Variants in ZAN observed in about 807,000 individuals in gnomAD.
The protein encoded by ZAN is zonadhesin, also known as zonadhesin (gene/pseudogene).
A neutral mutation model predicts 286.2 loss-of-function variants in ZAN; 260 were observed. That is an observed-to-expected ratio of 0.91 (90% CI 0.82 to 1.01). ZAN has a LOEUF of 1.01. ZAN is among the 50% of genes least tolerant of loss of function. The pLI is 0.00. For missense variants in ZAN, 3,410 were observed against 3,639.2 expected, an observed-to-expected ratio of 0.94 and a Z score of 1.62; for synonymous variants, 1,368 against 1,417.5, an observed-to-expected ratio of 0.97 and a Z score of 0.79.
chr7:100,760,326 A>G (rs1278212597), intron 18 of ZAN, 65 bp from the exon 19 acceptor site: 1 of 1,580,718 alleles, frequency 6.3e-7, no homozygotes, highest in Non-Finnish European at 8.6e-7. Context: ...ATGGAAATGA[A>G]AGTCTGCTGG....
At position 100,751,704 on chromosome 7, in the gene ZAN, C is replaced by T. The variant is rs761042022; in HGVS notation, c.1607-8C>T. The T allele has an allele frequency of 3.8e-6, 6 of 1,569,076 alleles. No individual in the cohort carries two copies. In the East Asian group the frequency reaches 6.7e-5, roughly 18 times the overall value. The stretch of plus-strand genomic sequence containing the variant: ...CTAAACTCCAGGGATTCTTATTTTT[C>T]TTTGCAGTAAAAGTGCTACCAGAGC... On this transcript the variant is annotated splice_region_variant and splice_polypyrimidine_tract_variant and intron_variant, in intron 13 of 47. Transcript: ENST00000613979.
At chr7:100,782,611 G>A (rs747083803) in intron 35 of ZAN, among the ~76,000 whole-genome samples, 60 of 152,090 alleles carry the variant, frequency 3.9e-4, no homozygotes, top group Non-Finnish European at 3.5e-4. Context: ...GGTTACAGGC[G>A]TGAGCCACCG....
chr7:100,733,997 C>G, intron 1 of ZAN, 30 bp from the exon 2 acceptor site: 1 of 445,498 alleles, frequency 2.2e-6, no homozygotes, highest in South Asian at 2.7e-5. Context: ...TGGATGGTAA[C>G]TTTCAACTCT....
At chr7:100,767,636 G>C (rs867641833) in intron 25 of ZAN, among the ~76,000 whole-genome samples, 195 bp from the exon 26 acceptor site, 1 of 150,734 alleles carries the variant, frequency 6.6e-6, no homozygotes, top group Admixed American at 6.7e-5. Flanking sequence ...CCACCTGCAC[G>C]GCTAATTTTT....
Position 100,790,971 on chromosome 7 carries a change from C to G in ZAN, c.7387C>G (p.Leu2463Val), listed in dbSNP as rs201718931. The G allele has an allele frequency of 7.6e-4, 1,221 of 1,611,924 alleles. 1 individual carries two copies. Among genetic ancestry groups the G allele is most frequent in the Non-Finnish European group, 9.9e-4 (1,172 of 1,179,236 alleles). ...CTCCCTACCCAGCATGTACGAGGGG[C>G]TTGTGAGTGGCCTGTGCGGAAACTA... ...VISLPSMYEG[L>V]VSGLCGNYDK... is the part of the protein sequence containing the mutation. The change falls in exon 40 of 48, where the codon CTT (leucine) becomes GTT (valine). Residue 2463 changes from leucine (L) to valine (V), a missense_variant. Leu to Val is a conservative substitution (Grantham distance 32, BLOSUM62 1). Around this residue, in one of 7 missense-constraint regions of ZAN, gnomAD observed 1,289 missense variants for 1,314.3 expected, o/e 0.98. Transcript: ENST00000613979.
At chr7:100,756,512 T>C (rs1429092331) in intron 15 of ZAN, among the ~76,000 whole-genome samples, 1 of 152,054 alleles carries the variant, frequency 6.6e-6, no homozygotes, top group African/African-American at 2.4e-5. Flanking sequence ...CCCATTGACA[T>C]CAGAGCTTCT....
chr7:100,783,805 C>CAT (rs1491186199), intron 35 of ZAN, among the ~76,000 whole-genome samples: 3 of 22,870 alleles, frequency 1.3e-4, no homozygotes, highest in African/African-American at 1.8e-4. Flanking sequence ...TATATACACA[C>CAT]ATATATATAT....
At chr7:100,772,488 A>C (rs1470246593) in intron 29 of ZAN, among the ~76,000 whole-genome samples, 1 of 151,938 alleles carries the variant, frequency 6.6e-6, no homozygotes, top group Non-Finnish European at 1.5e-5. Context: ...TAATGGCAGC[A>C]CGACAATGTG....
intron 44 of ZAN, 87 bp from the exon 45 acceptor site, chr7:100,795,109 C>CG (rs34731871): frequency 6.8e-7 from 1 of 1,474,910 alleles, no homozygotes; most frequent in Non-Finnish European, 9.1e-7. Flanking sequence ...GCTTTCTCCC[C>CG]GGGCGTCCCA....
intron 14 of ZAN, among the ~76,000 whole-genome samples, chr7:100,754,608 A>G (rs1809014912): frequency 6.6e-6 from 1 of 151,842 alleles, no homozygotes; most frequent in African/African-American, 2.4e-5. Flanking sequence ...GGCTCAAGCA[A>G]CTATCCTGCC....
In ZAN at chr7:100,765,993, TG is replaced by T. The variant is rs202149932; in HGVS notation, c.4470+440del. 5.7e-3 allele frequency among the ~76,000 whole-genome samples: 843 copies of T among 148,726 alleles called. 14 individuals carry two copies. Among genetic ancestry groups the T allele is most frequent in the African/African-American group, 0.019 (768 of 40,290 alleles). On this transcript the variant is annotated intron_variant, in intron 23 of 47. Transcript: ENST00000613979. ...GTTTTTTGTTGTTGTTTTTGGTTTT[TG>T]TTTTTTTTTTGAGACAGAGTCTCGA...
chr7:100,750,387 G>A (rs368995769), intron 11 of ZAN, among the ~76,000 whole-genome samples: 76 of 152,138 alleles, frequency 5.0e-4, no homozygotes, highest in African/African-American at 1.8e-3. Context: ...CGCCAGCCTC[G>A]GCCTCCCAAA....
chr7:100,741,183 G>C (rs1807729895), intron 7 of ZAN, among the ~76,000 whole-genome samples: 1 of 27,762 alleles, frequency 3.6e-5, no homozygotes, highest in African/African-American at 1.1e-4. Context: ...CTCGCGGACG[G>C]GGCAGCTGGC....
Position 100,768,154 on chromosome 7 carries a change from G to A in ZAN, c.5041+143G>A, listed in dbSNP as rs1006092828. The A allele has an allele frequency of 1.9e-5, 22 of 1,164,304 alleles. No homozygotes were observed. In the East Asian group the frequency reaches 5.7e-4, roughly 30 times the overall value. The allele number at this position is 1,164,304 out of a possible 1,614,324, so 72.1% of individuals were successfully genotyped here. The stretch of plus-strand genomic sequence containing the variant: ...TTGAGGACATTAGGCATGAAGGTAG[G>A]AGTTAAGGGAAGACGGAGATGAAGA... On this transcript the variant is annotated intron_variant, in intron 26 of 47. Coordinates refer to ENST00000613979, the MANE Select transcript of ZAN (RefSeq NM_003386.3).
At chr7:100,782,866 A>G (rs1454508982) in intron 35 of ZAN, among the ~76,000 whole-genome samples, 4 of 152,298 alleles carry the variant, frequency 2.6e-5, no homozygotes, top group Admixed American at 6.5e-5. Flanking sequence ...ATCATATACT[A>G]AATTCCCATA....
chr7:100,752,876 C>T lies in ZAN; in HGVS notation c.2771C>T (p.Thr924Met), dbSNP rs201051040. The T allele has an allele frequency of 3.1e-6, 5 of 1,610,926 alleles. No homozygotes were observed. The highest frequency in any genetic ancestry group is 2.7e-5 in the African/African-American group (2 of 74,344). The part of the protein sequence containing the change: ...TISTEKPTIP[T>M]EKPTIPTEET... ...TCCACGGAAAAACCCACCATCCCCA[C>T]GGAAAAACCCACCATCCCCACTGAA... Residue 924 changes from threonine (T) to methionine (M), a missense_variant, in exon 14 of 48, where the codon ACG (threonine) becomes ATG (methionine). Around this residue, in one of 7 missense-constraint regions of ZAN, gnomAD observed 51 missense variants for 105.2 expected, o/e 0.48. Transcript: ENST00000613979.
At position 100,787,908 on chromosome 7, in the gene ZAN, C is replaced by T. The variant is rs1239051625; in HGVS notation, c.6999C>T (p.Val2333=). 6.5e-7 allele frequency: 1 copy of T among 1,545,240 alleles called. No individual in the cohort carries two copies. Among genetic ancestry groups the T allele is most frequent in the African/African-American group, 1.4e-5 (1 of 73,988 alleles). Residue 2333 remains valine, a synonymous_variant, in exon 38 of 48, where the codon GTC becomes GTT. Transcript: ENST00000613979. The stretch of plus-strand genomic sequence containing the variant: ...TGGCAGAGTCTGAACAATGCTCAGT[C>T]TATGGCGACCCCCGTTACCTCACAT... ...CVSDKSEQCS[V]YGDPRYLTFD...
intron 2 of ZAN, 107 bp downstream of exon 2, chr7:100,734,328 T>C: frequency 1.2e-6 from 1 of 832,292 alleles, no homozygotes; most frequent in South Asian, 1.9e-5. Flanking sequence ...CTACAAAAGA[T>C]CTGGAGAGAG....
chr7:100,748,149 G>A lies in ZAN; in HGVS notation c.1036G>A (p.Gly346Ser), dbSNP rs765341303. ...AVGRIQFAVV[G>S]VFGKTPEPAV... is the part of the protein sequence containing the mutation. ...CCTTTCTCTCCAGTTTGCCGTGGTA[G>A]GCGTTTTTGGAAAGACCCCAGAGCC... The change falls in exon 10 of 48, where the codon GGC becomes AGC. Residue 346 changes from glycine to serine, a missense_variant. Coordinates refer to ENST00000613979, the MANE Select transcript of ZAN (RefSeq NM_003386.3). 8.1e-6 allele frequency: 13 copies of A among 1,613,764 alleles called. No individual in the cohort carries two copies. The Middle Eastern group carries it at 8.2e-4, about 102-fold the overall frequency.
Sources: allele counts gnomAD v4.1 joint callset (sites outside exome capture counted in the v4.1 genomes callset), GRCh38; gene constraint gnomAD v4.1.1; regional missense constraint gnomAD v4.1.1; transcripts MANE v1.5; gene names NCBI Gene and HGNC (gene_info 2026-07-23, HGNC 2026-07-21).